PLXDC1: variants seen among roughly 807,000 people sequenced by gnomAD.
The protein encoded by PLXDC1 is plexin domain containing 1, also known as plexin domain-containing protein 1.
A neutral mutation model predicts 61.3 loss-of-function variants in PLXDC1; 39 were observed. The observed-to-expected ratio is 0.64, with a 90% CI of 0.49 to 0.83. PLXDC1 has a LOEUF of 0.83. PLXDC1 is among the 40% of genes least tolerant of loss of function. The pLI, the probability that PLXDC1 is intolerant of heterozygous loss-of-function variation, is 0.00. For synonymous variants in PLXDC1, 212 were observed against 254.5 expected (o/e 0.83, Z 1.59); for missense variants, 596 against 666.5 (o/e 0.89, Z 1.17).
In PLXDC1 at chr17:39,086,859, C is replaced by CAAAAAAAA. The variant is rs765774886; in HGVS notation, c.907+740_907+747dup. Among the ~76,000 whole-genome samples the CAAAAAAAA allele has an allele frequency of 1.9e-3, 133 of 71,452 alleles. 10 individuals are homozygous for CAAAAAAAA. The highest frequency in any genetic ancestry group is 4.4e-3 in the African/African-American group (77 of 17,648). The allele number at this position is 71,452 out of a possible 152,430, so 46.9% of individuals were successfully genotyped here. On this transcript the variant is annotated intron_variant, in intron 8 of 13. Transcript: ENST00000315392. ...CCTGGGCAACAGAGTGAGACTGTCTCAAAAAAAAAAAAAAAAAAAAAGAAG... is the reference window on the plus strand; with the variant it reads ...CCTGGGCAACAGAGTGAGACTGTCTCAAAAAAAAAAAAAAAAAAAAAAAAAAAAAGAAG...
intron 7 of PLXDC1, among the ~76,000 whole-genome samples, chr17:39,093,656 C>T (rs772906941): frequency 6.6e-6 from 1 of 151,982 alleles, no homozygotes; most frequent in African/African-American, 2.4e-5. Flanking sequence ...GCAGAGGCTG[C>T]AGTGAGCCGA....
chr17:39,064,506 A>G lies in PLXDC1; in HGVS notation c.*3334T>C, dbSNP rs1272950777. On this transcript the variant is annotated 3_prime_UTR_variant, in exon 14 of 14. Transcript: ENST00000315392. ...CAGAGTAAAAAATGGCAGCAAATAAATGTTAGATCACAGCCTCTTCTTAGT... is the reference window on the plus strand; with the variant it reads ...CAGAGTAAAAAATGGCAGCAAATAAGTGTTAGATCACAGCCTCTTCTTAGT... The G allele has an allele frequency of 6.6e-6, 1 of 152,134 alleles. No individual in the cohort carries two copies. The highest frequency in any genetic ancestry group is 6.5e-5 in the Admixed American group (1 of 15,272). The allele number at this position is 152,134 out of a possible 1,614,324, so 9.4% of individuals were successfully genotyped here.
At chr17:39,131,546 T>C (rs1911563325) in intron 2 of PLXDC1, among the ~76,000 whole-genome samples, 1 of 151,902 alleles carries the variant, frequency 6.6e-6, no homozygotes, top group Non-Finnish European at 1.5e-5. Flanking sequence ...AGAGACGGGG[T>C]TTCACCATGT....
chr17:39,152,429 T>A (rs2045380321), upstream of PLXDC1: 4 of 936,800 alleles, frequency 4.3e-6, no homozygotes, highest in Non-Finnish European at 5.6e-6. Context: ...TGGGGATAGA[T>A]AATCTTTTTA....
At chr17:39,152,907 A>AC (rs2045383826), upstream of PLXDC1, 2 of 374,060 alleles carry the variant, frequency 5.3e-6, no homozygotes, top group African/African-American at 4.2e-5. Flanking sequence ...CCAGCCCTAA[A>AC]CCCAATGTCC....
At chr17:39,138,013 G>A (rs1911812005) in intron 2 of PLXDC1, among the ~76,000 whole-genome samples, 1 of 152,062 alleles carries the variant, frequency 6.6e-6, no homozygotes, top group Admixed American at 6.5e-5. Flanking sequence ...GCTCAGCACA[G>A]CCTTGACCGC....
intron 7 of PLXDC1, among the ~76,000 whole-genome samples, chr17:39,089,117 A>T (rs930757915): frequency 2.0e-5 from 3 of 152,270 alleles, no homozygotes; most frequent in Non-Finnish European, 4.4e-5. Context: ...GGAAAGAACC[A>T]CTCAGTGTTT....
At chr17:39,144,422 G>GACCCTGGCCT (rs1239031425) in intron 1 of PLXDC1, among the ~76,000 whole-genome samples, 1 of 152,178 alleles carries the variant, frequency 6.6e-6, no homozygotes, top group African/African-American at 2.4e-5. Flanking sequence ...GCTTGACCAG[G>GACCCTGGCCT]ACCCTGGCCT....
At chr17:39,134,653 C>CAAAGA (rs1196063222) in intron 2 of PLXDC1, among the ~76,000 whole-genome samples, 5 of 149,872 alleles carry the variant, frequency 3.3e-5, no homozygotes, top group Admixed American at 6.6e-5. Flanking sequence ...AAAGAAAAAA[C>CAAAGA]AAAGAAAAGA....
chr17:39,073,340 A>G (rs1909198914), intron 11 of PLXDC1: 1 of 152,232 alleles, frequency 6.6e-6, no homozygotes, highest in South Asian at 2.1e-4. Context: ...CAAGGTATTT[A>G]AACACAACTT....
At chr17:39,109,601 G>A (rs1386333330) in intron 2 of PLXDC1, among the ~76,000 whole-genome samples, 1 of 152,156 alleles carries the variant, frequency 6.6e-6, no homozygotes, top group Non-Finnish European at 1.5e-5. Context: ...CCCTAGTGGT[G>A]CCCCAACAGG....
chr17:39,107,942 TCTGGGTAG>T (rs1193290692), intron 5 of PLXDC1, 173 bp downstream of exon 5: 2 of 698,692 alleles, frequency 2.9e-6, no homozygotes, highest in African/African-American at 3.6e-5. Flanking sequence ...ATCAGATTCT[TCTGGGTAG>T]CAGGCATTTT....
chr17:39,122,733 C>G (rs1004059946), intron 2 of PLXDC1, among the ~76,000 whole-genome samples: 2 of 152,206 alleles, frequency 1.3e-5, no homozygotes, highest in African/African-American at 4.8e-5. Flanking sequence ...CGAGCCACGC[C>G]GCTTGGCAAG....
chr17:39,082,137 GT>G (rs1909585870), intron 9 of PLXDC1, among the ~76,000 whole-genome samples: 1 of 152,188 alleles, frequency 6.6e-6, no homozygotes, highest in Non-Finnish European at 1.5e-5. Context: ...GCCCAGAGCT[GT>G]GTCCTGTGTG....
At chr17:39,123,279 C>T (rs1393079082) in intron 2 of PLXDC1, among the ~76,000 whole-genome samples, 1 of 152,192 alleles carries the variant, frequency 6.6e-6, no homozygotes, top group Non-Finnish European at 1.5e-5. Context: ...CAAACTCCAC[C>T]TCCTGGATTC....
In PLXDC1 at chr17:39,067,910, T is replaced by C. The variant is rs776434683; in HGVS notation, c.1433A>G (p.His478Arg). Residue 478 changes from histidine to arginine, a missense_variant, in exon 14 of 14, where the codon CAT (histidine) becomes CGT (arginine). His to Arg is a conservative substitution (Grantham distance 29). Coordinates refer to ENST00000315392, the MANE Select transcript of PLXDC1 (RefSeq NM_020405.5). ...GGGCTCCACCTCCGCATAGGTGGAA[T>C]GGTCAGGGTGGCTGCGAAACTTCAT... ...PAMKFRSHPD[H>R]STYAEVEPSG... 1.9e-6 allele frequency: 3 copies of C among 1,613,496 alleles called. No homozygotes were observed. The highest frequency in any genetic ancestry group is 2.5e-6 in the Non-Finnish European group (3 of 1,179,388).
chr17:39,107,588 A>T, intron 5 of PLXDC1, 63 bp from the exon 6 acceptor site: 1 of 1,232,662 alleles, frequency 8.1e-7, no homozygotes, highest in Non-Finnish European at 1.2e-6. Context: ...GCCCTACAGA[A>T]ATGCCAGTCG....
At chr17:39,115,256 C>A (rs1910930769) in intron 2 of PLXDC1, among the ~76,000 whole-genome samples, 1 of 152,224 alleles carries the variant, frequency 6.6e-6, no homozygotes, top group South Asian at 2.1e-4. Context: ...ATGAAACGAG[C>A]TGCTGCCTCT....
chr17:39,074,733 G>A (rs993990435), intron 11 of PLXDC1, among the ~76,000 whole-genome samples: 5 of 152,080 alleles, frequency 3.3e-5, no homozygotes, highest in African/African-American at 1.2e-4. Context: ...TAAACCCTCT[G>A]GGTGGGGCAG....
Sources: allele counts gnomAD v4.1 joint callset (sites outside exome capture counted in the v4.1 genomes callset), GRCh38; gene constraint gnomAD v4.1.1; transcripts MANE v1.5; gene names NCBI Gene and HGNC (gene_info 2026-07-23, HGNC 2026-07-21).